Variants in SETX observed in about 807,000 individuals in gnomAD.
SETX encodes the protein senataxin.
Under a neutral mutation model 227.2 loss-of-function variants are expected in SETX, and 90 were observed. The observed-to-expected ratio is 0.40, with a 90% CI of 0.33 to 0.47. The LOEUF (loss-of-function observed/expected upper bound fraction) is 0.47. SETX is among the 20% of genes least tolerant of loss of function. The probability of loss-of-function intolerance (pLI) is 0.91; values close to 1 mark genes in which losing one functional copy is unlikely to be tolerated. For missense variants in SETX, 3,052 were observed against 3,181.5 expected (o/e 0.96, Z 0.98); for synonymous variants, 1,210 against 1,113.2 (o/e 1.09, Z -1.73).
At chr9:132,320,494 T>C (rs1846251377) in intron 10 of SETX, among the ~76,000 whole-genome samples, 1 of 148,150 alleles carries the variant, frequency 6.7e-6, no homozygotes, top group Non-Finnish European at 1.5e-5. Context: ...CTCGGGAGGT[T>C]GAGGAGGGAA....
At chr9:132,337,845 A>C (rs184399104) in intron 5 of SETX, among the ~76,000 whole-genome samples, 1 of 152,222 alleles carries the variant, frequency 6.6e-6, no homozygotes, top group Non-Finnish European at 1.5e-5. Flanking sequence ...GATGAAATGC[A>C]TAGTATTTAC....
In SETX at chr9:132,329,672, G is replaced by T; in HGVS notation, c.1926C>A (p.Ser642Arg). 6.2e-7 allele frequency: 1 copy of T among 1,613,770 alleles called. No homozygotes were observed. The highest frequency in any genetic ancestry group is 1.3e-5 in the African/African-American group (1 of 74,990). ...TCATTGGTTCTTTAGAAAATGTTGG[G>T]CTGGAAGCTTCCAAACAATGCATAT... ...RKDMHCLEAS[S>R]PTFSKEPMKV... Residue 642 changes from serine to arginine, a missense_variant, in exon 10 of 26, where the codon AGC becomes AGA. By Grantham distance (110) the Ser-to-Arg change is moderately radical. Around this residue, in one of 10 missense-constraint regions of SETX, gnomAD observed 1,483 missense variants for 1,312.0 expected, o/e 1.13. Coordinates refer to ENST00000224140, the MANE Select transcript of SETX (RefSeq NM_015046.7).
chr9:132,314,911 T>G (rs1007322336), intron 10 of SETX, among the ~76,000 whole-genome samples: 7 of 108,010 alleles, frequency 6.5e-5, no homozygotes, highest in African/African-American at 1.3e-4. Context: ...ATTGTGTTTT[T>G]TTTTTTTTTT....
rs1390375143 is a variant in SETX, at chr9:132,263,339, G to A, written c.*900C>T. 6.6e-6 allele frequency: 1 copy of A among 152,232 alleles called. No individual in the cohort carries two copies. Among genetic ancestry groups the A allele is most frequent in the Non-Finnish European group, 1.5e-5 (1 of 68,056 alleles). The allele number at this position is 152,232 out of a possible 1,614,324, so 9.4% of individuals were successfully genotyped here. On this transcript the variant is annotated 3_prime_UTR_variant, in exon 26 of 26. Transcript: ENST00000224140. ...GTTAGATCTGTCTGACAATCTGTAA[G>A]CTGAGGCGATTCTTCCACAGCTGAC...
chr9:132,326,832 G>A lies in SETX; in HGVS notation c.4766C>T (p.Ser1589Phe). The change falls in exon 10 of 26, where the codon TCT becomes TTT. Residue 1589 changes from serine (S) to phenylalanine (F), a missense_variant. By Grantham distance (155) the Ser-to-Phe change is radical. This residue lies in a region of SETX where 1,483 missense variants were observed against 1,312.0 expected (regional missense o/e 1.13). Transcript: ENST00000224140. The part of the protein sequence containing the change: ...FRKPGLPPPA[S>F]KPLRPTTKIF... The stretch of plus-strand genomic sequence containing the variant: ...CTTAGTGGTAGGTCTCAAAGGTTTA[G>A]ATGCAGGAGGAGGCAAGCCAGGTTT... 1 of 1,614,218 alleles carries A rather than the reference G, an allele frequency of 6.2e-7. No homozygotes were observed. Among genetic ancestry groups the A allele is most frequent in the Non-Finnish European group, 8.5e-7 (1 of 1,180,026 alleles).
intron 10 of SETX, among the ~76,000 whole-genome samples, chr9:132,322,336 A>C (rs1430634768): frequency 6.6e-6 from 1 of 152,148 alleles, no homozygotes. Context: ...CTAATTCCGC[A>C]CCATTTCCAT....
At chr9:132,298,345 T>A (rs772945046) in intron 12 of SETX, 33 bp from the exon 13 acceptor site, 1 of 1,534,272 alleles carries the variant, frequency 6.5e-7, no homozygotes, top group South Asian at 1.1e-5. Flanking sequence ...GCAACTTCAG[T>A]TATCACTGAA....
chr9:132,356,620 A>T (rs1848926707), upstream of SETX, among the ~76,000 whole-genome samples: 1 of 152,228 alleles, frequency 6.6e-6, no homozygotes, highest in Admixed American at 6.5e-5. Context: ...GCGATAAAAA[A>T]AGAGGCTGAG....
chr9:132,270,831 G>C (rs181909118), intron 24 of SETX, among the ~76,000 whole-genome samples: 1 of 152,278 alleles, frequency 6.6e-6, no homozygotes, highest in Admixed American at 6.5e-5. Context: ...AAATAGAATT[G>C]ATGTATGATA....
rs534560219 is a variant in SETX at position 132,336,015 on chromosome 9, G to A, written c.718+281C>T. 5.8e-4 allele frequency among the ~76,000 whole-genome samples: 88 copies of A among 152,296 alleles called. No homozygotes were observed. The Middle Eastern group carries it at 0.01, about 18-fold the overall frequency. Reference sequence around the variant, plus strand: ...CCAGCACTTTAGGAGGCCAGGGTGGGCAGATCACTTGATGTCAGGAGTTCA... The same window carrying A: ...CCAGCACTTTAGGAGGCCAGGGTGGACAGATCACTTGATGTCAGGAGTTCA... On this transcript the variant is annotated intron_variant, in intron 6 of 25. Coordinates refer to ENST00000224140, the MANE Select transcript of SETX (RefSeq NM_015046.7).
intron 3 of SETX, 125 bp downstream of exon 3, chr9:132,349,127 A>AAAAAC: frequency 5.8e-6 from 3 of 515,706 alleles, no homozygotes; most frequent in Non-Finnish European, 8.9e-6. Context: ...AAACAAAAAC[A>AAAAAC]AAAAAAAAAA....
Position 132,326,470 on chromosome 9 carries a change from A to AT in SETX, c.5127dup (p.Tyr1710IlefsTer2). ...TGACCAAAGTTCAAAAACATTTCAT[A>AT]TTTCCATTTTAAGACCTCTTTAACG... On this transcript the variant is annotated frameshift_variant, in exon 10 of 26. Coordinates refer to ENST00000224140, the MANE Select transcript of SETX (RefSeq NM_015046.7). LOFTEE classifies it high-confidence loss of function. 1.2e-6 allele frequency: 2 copies of AT among 1,614,230 alleles called. No individual in the cohort carries two copies. The highest frequency in any genetic ancestry group is 1.7e-6 in the Non-Finnish European group (2 of 1,180,044).
intron 10 of SETX, among the ~76,000 whole-genome samples, chr9:132,317,054 T>C (rs534939815): frequency 1.3e-5 from 2 of 152,360 alleles, no homozygotes; most frequent in South Asian, 4.1e-4. Context: ...TGTGAAGCTA[T>C]CACATCCATG....
intron 18 of SETX, among the ~76,000 whole-genome samples, chr9:132,284,878 T>G (rs975471598): frequency 5.9e-5 from 9 of 151,926 alleles, no homozygotes; most frequent in African/African-American, 1.7e-4. Context: ...AGCTATTTTT[T>G]TTGTTGTTTT....
chr9:132,334,781 C>T, intron 6 of SETX, 54 bp from the exon 7 acceptor site: 6 of 1,593,892 alleles, frequency 3.8e-6, no homozygotes, highest in African/African-American at 1.3e-5. Flanking sequence ...TATACTAATG[C>T]CTGGTTTAGT....
chr9:132,263,131 AG>A lies in SETX; in HGVS notation c.*1107del, dbSNP rs1408995023. ...CAGGTAGATGATTTCTGAAGATCAC[AG>A]GAAGTCTACCACTCTCTTCCCAGTT... On this transcript the variant is annotated 3_prime_UTR_variant, in exon 26 of 26. Transcript: ENST00000224140. 1 of 152,252 alleles carries A rather than the reference AG, an allele frequency of 6.6e-6. No individual in the cohort carries two copies. Among genetic ancestry groups the A allele is most frequent in the African/African-American group, 2.4e-5 (1 of 41,460 alleles). The allele number at this position is 152,252 out of a possible 1,614,324, so 9.4% of individuals were successfully genotyped here. A position where few individuals can be genotyped will look rare whatever the true frequency, so the allele number is the denominator to read the frequency against.
At position 132,264,661 on chromosome 9, in the gene SETX, C is replaced by A; in HGVS notation, c.7612G>T (p.Asp2538Tyr). 4.3e-6 allele frequency: 7 copies of A among 1,614,108 alleles called. No individual in the cohort carries two copies. Among genetic ancestry groups the A allele is most frequent in the Non-Finnish European group, 5.1e-6 (6 of 1,180,038 alleles). ...CCCATCCTCTTCAGCAGTCGTGGGT[C>A]CTGAAGTTGGTCATGAACAGGAGGT... ...ERPPVHDQLQ[D>Y]PRLLKRMGIE... The change falls in exon 26 of 26, where the codon GAC becomes TAC. Residue 2538 changes from aspartate (D) to tyrosine (Y), a missense_variant. Transcript: ENST00000224140.
intron 15 of SETX, among the ~76,000 whole-genome samples, chr9:132,292,079 T>C (rs1338787987): frequency 6.6e-6 from 1 of 152,156 alleles, no homozygotes; most frequent in African/African-American, 2.4e-5. Flanking sequence ...TTACAAAAAA[T>C]AAATTTTCTC....
At chr9:132,312,367 C>G (rs963790081) in intron 10 of SETX, among the ~76,000 whole-genome samples, 1 of 152,112 alleles carries the variant, frequency 6.6e-6, no homozygotes, top group African/African-American at 2.4e-5. Flanking sequence ...TCAGAAGTAC[C>G]CTTAAGGATC....
Sources: gnomAD v4.1 joint callset for allele counts (sites outside exome capture counted in the v4.1 genomes callset) on GRCh38, gnomAD v4.1.1 for gene constraint, gnomAD v4.1.1 regional missense constraint, MANE v1.5 for transcripts, NCBI Gene and HGNC (gene_info 2026-07-23, HGNC 2026-07-21) for gene names.